The following CDH13 variants were observed in gnomAD, a reference collection of about 807,000 sequenced individuals.
The protein encoded by CDH13 is cadherin-13.
Under a neutral mutation model 63.8 loss-of-function variants are expected in CDH13, and 24 were observed. That is an observed-to-expected ratio of 0.38 (90% CI 0.27 to 0.53). The LOEUF is 0.53. Ranked by LOEUF, CDH13 falls within the 20% of genes least tolerant of loss-of-function variation. The probability of loss-of-function intolerance (pLI) is 0.85; values close to 1 mark genes in which losing one functional copy is unlikely to be tolerated. For synonymous variants in CDH13, 503 were observed against 355.3 expected, an observed-to-expected ratio of 1.42 and a Z score of -4.67; for missense variants, 1,049 against 903.1, an observed-to-expected ratio of 1.16 and a Z score of -2.07.
At chr16:83,746,613 C>A (rs1707112497) in intron 10 of CDH13, among the ~76,000 whole-genome samples, 1 of 152,162 alleles carries the variant, frequency 6.6e-6, no homozygotes, top group South Asian at 2.1e-4. Flanking sequence ...TTTTAAACAT[C>A]CTTAGACCCA....
At chr16:83,030,787 C>T (rs1916237336) in intron 2 of CDH13, among the ~76,000 whole-genome samples, 1 of 151,864 alleles carries the variant, frequency 6.6e-6, no homozygotes, top group Non-Finnish European at 1.5e-5. Context: ...CAGAAAGCAC[C>T]ATAACTTACT....
chr16:82,907,478 A>T (rs950581980), intron 2 of CDH13, among the ~76,000 whole-genome samples: 2 of 152,206 alleles, frequency 1.3e-5, no homozygotes, highest in South Asian at 2.1e-4. Flanking sequence ...CCCATCTATG[A>T]AATATCCAAA....
At chr16:82,788,089 C>T (rs74028295) in intron 1 of CDH13, among the ~76,000 whole-genome samples, 1 of 152,058 alleles carries the variant, frequency 6.6e-6, no homozygotes, top group East Asian at 1.9e-4. Context: ...GAGGCTATAA[C>T]CAAATATAAT....
At chr16:83,048,725 A>C (rs1047705709) in intron 3 of CDH13, among the ~76,000 whole-genome samples, 2 of 151,210 alleles carry the variant, frequency 1.3e-5, no homozygotes, top group Non-Finnish European at 3.0e-5. Flanking sequence ...CCTTGAACTC[A>C]CTCTTTTCTG....
At chr16:82,938,685 T>G (rs2042742286) in intron 2 of CDH13, among the ~76,000 whole-genome samples, 1 of 152,034 alleles carries the variant, frequency 6.6e-6, no homozygotes. Flanking sequence ...ATTTAAAAGG[T>G]GCAGGAAGCA....
chr16:83,553,195 G>T (rs78145856), intron 7 of CDH13, among the ~76,000 whole-genome samples: 1 of 152,168 alleles, frequency 6.6e-6, no homozygotes, highest in African/African-American at 2.4e-5. Flanking sequence ...ATGTAAGTTC[G>T]GAGCAGTCCT....
chr16:83,510,850 G>A (rs539677608), intron 7 of CDH13, among the ~76,000 whole-genome samples: 2 of 152,192 alleles, frequency 1.3e-5, no homozygotes, highest in Non-Finnish European at 2.9e-5. Context: ...ATGTACTAAA[G>A]GTCTTTCAGA....
intron 1 of CDH13, among the ~76,000 whole-genome samples, chr16:82,802,961 A>G (rs6565070): frequency 0.057 from 8,615 of 152,238 alleles, 726 homozygotes; most frequent in African/African-American, 0.19. Context: ...CAGAAACTCT[A>G]AAATACTTAC....
intron 6 of CDH13, among the ~76,000 whole-genome samples, chr16:83,484,153 C>G (rs1350842276): frequency 6.6e-6 from 1 of 152,170 alleles, no homozygotes; most frequent in Admixed American, 6.5e-5. Context: ...TCAATCAGGC[C>G]TAATGACTGA....
At chr16:83,708,726 T>C (rs1907538441) in intron 10 of CDH13, among the ~76,000 whole-genome samples, 2 of 152,308 alleles carry the variant, frequency 1.3e-5, no homozygotes, top group Admixed American at 1.3e-4. Flanking sequence ...ATAAAAGTCC[T>C]TATAAGAAGG....
intron 2 of CDH13, among the ~76,000 whole-genome samples, chr16:83,019,544 A>G (rs1429877106): frequency 6.9e-6 from 1 of 144,302 alleles, no homozygotes; most frequent in African/African-American, 2.6e-5. Context: ...CACCCAGGCT[A>G]GAGTACCGTG....
Position 83,077,186 on chromosome 16 carries a change from C to CTTTTTTTTT in CDH13, c.366+44984_366+44992dup, listed in dbSNP as rs34536219. Among the ~76,000 whole-genome samples the CTTTTTTTTT allele has an allele frequency of 1.2e-3, 71 of 59,174 alleles. 2 individuals carry two copies. Among genetic ancestry groups the CTTTTTTTTT allele is most frequent in the African/African-American group, 1.9e-3 (28 of 14,780 alleles). 38.8% of individuals were successfully genotyped at this position (59,174 alleles called of 152,430 possible). On this transcript the variant is annotated intron_variant, in intron 3 of 13. Transcript: ENST00000567109. ...TCTTTTCTTTTCTTTTTTTTCTTTT[C>CTTTTTTTTT]TTTTTTTTTTTTTTTTTTTTTTTTG...
intron 3 of CDH13, among the ~76,000 whole-genome samples, chr16:83,050,835 G>T (rs1052159798): frequency 6.6e-6 from 1 of 151,978 alleles, no homozygotes; most frequent in African/African-American, 2.4e-5. Context: ...CTTCCTAAGT[G>T]CACGGTTTCT....
At chr16:83,346,264 C>G (rs1490709668) in intron 6 of CDH13, among the ~76,000 whole-genome samples, 1 of 152,104 alleles carries the variant, frequency 6.6e-6, no homozygotes, top group African/African-American at 2.4e-5. Flanking sequence ...GAGGTCAGGT[C>G]ACTTCAGGGC....
intron 2 of CDH13, among the ~76,000 whole-genome samples, chr16:82,995,332 C>T (rs1242935420): frequency 6.6e-6 from 1 of 152,188 alleles, no homozygotes; most frequent in Non-Finnish European, 1.5e-5. Context: ...CTAGGTATGA[C>T]CATGGAACTG....
intron 2 of CDH13, among the ~76,000 whole-genome samples, chr16:83,013,475 G>A (rs534313565): frequency 3.3e-5 from 5 of 152,144 alleles, no homozygotes; most frequent in South Asian, 2.1e-4. Context: ...TGAAGCCCAC[G>A]CTTCAGTGTC....
At chr16:83,759,963 C>T (rs1567577601) in intron 11 of CDH13, among the ~76,000 whole-genome samples, 1 of 149,968 alleles carries the variant, frequency 6.7e-6, no homozygotes, top group South Asian at 2.1e-4. Context: ...AGAAAGAAAT[C>T]CTATAATCTG....
intron 4 of CDH13, among the ~76,000 whole-genome samples, chr16:83,172,859 C>G (rs1174941948): frequency 6.6e-6 from 1 of 152,116 alleles, no homozygotes; most frequent in Non-Finnish European, 1.5e-5. Context: ...AGGATTTGAT[C>G]TACTGAACCT....
chr16:82,892,518 C>G (rs969291744), intron 2 of CDH13, among the ~76,000 whole-genome samples: 7 of 152,154 alleles, frequency 4.6e-5, no homozygotes, highest in African/African-American at 1.7e-4. Context: ...AAATGACAGT[C>G]TGTGTAGAGT....
Sources: allele counts gnomAD v4.1 joint callset (sites outside exome capture counted in the v4.1 genomes callset), GRCh38; gene constraint gnomAD v4.1.1; transcripts MANE v1.5; gene names NCBI Gene and HGNC (gene_info 2026-07-23, HGNC 2026-07-21).